FIG4: variants seen among roughly 807,000 people sequenced by gnomAD.
The protein encoded by FIG4 is polyphosphoinositide phosphatase.
Under a neutral mutation model 118.6 loss-of-function variants are expected in FIG4, and 112 were observed. That is an observed-to-expected ratio of 0.94 (90% CI 0.81 to 1.11). FIG4 has a LOEUF of 1.11. Ranked by LOEUF, FIG4 falls within the 50% of genes least tolerant of loss-of-function variation. The pLI is 0.00. For missense variants in FIG4, 969 were observed against 1,111.7 expected, an observed-to-expected ratio of 0.87 and a Z score of 1.83; for synonymous variants, 369 against 381.2, an observed-to-expected ratio of 0.97 and a Z score of 0.37.
intron 8 of FIG4, 136 bp downstream of exon 8, chr6:109,741,680 G>A: frequency 1.4e-6 from 1 of 711,054 alleles, no homozygotes; most frequent in South Asian, 1.5e-5. Context: ...TTGCCTTTTA[G>A]TATCAACAAG....
intron 15 of FIG4, among the ~76,000 whole-genome samples, chr6:109,773,651 A>G (rs1046614762): frequency 6.6e-6 from 1 of 152,024 alleles, no homozygotes; most frequent in Non-Finnish European, 1.5e-5. Flanking sequence ...TGTTATCTGG[A>G]TGGCTGCAGG....
chr6:109,692,649 T>G (rs996504164), intron 1 of FIG4, among the ~76,000 whole-genome samples: 3 of 152,150 alleles, frequency 2.0e-5, no homozygotes, highest in African/African-American at 7.2e-5. Context: ...GAAACCTATT[T>G]TCTGTAAAAT....
At position 109,713,365 on chromosome 6, in the gene FIG4, G is replaced by C. The variant is rs1054309830; in HGVS notation, c.67-1713G>C. 2.0e-5 allele frequency among the ~76,000 whole-genome samples: 3 copies of C among 152,186 alleles called. No individual in the cohort carries two copies. In the East Asian group the frequency reaches 5.8e-4, roughly 29 times the overall value. On this transcript the variant is annotated intron_variant, in intron 1 of 22. Coordinates refer to ENST00000230124, the MANE Select transcript of FIG4 (RefSeq NM_014845.6). ...TGCATGCAGTCATCATGGTGATCCT[G>C]TTAGCACAGGGGCAGGGCACTGGTA...
chr6:109,705,753 T>C (rs1775048333), intron 1 of FIG4, among the ~76,000 whole-genome samples: 1 of 152,242 alleles, frequency 6.6e-6, no homozygotes, highest in Non-Finnish European at 1.5e-5. Flanking sequence ...TTTCGTAGGA[T>C]TTATTAAAAT....
In FIG4 at chr6:109,754,324, T is replaced by C. The variant is rs1489001488; in HGVS notation, c.1138-5926T>C. Among the ~76,000 whole-genome samples, 3 of 152,256 alleles carry C rather than the reference T, an allele frequency of 2.0e-5. 1 individual carries two copies. The highest frequency in any genetic ancestry group is 6.8e-3 in the Middle Eastern group (2 of 294). On this transcript the variant is annotated intron_variant, in intron 10 of 22. Coordinates refer to ENST00000230124, the MANE Select transcript of FIG4 (RefSeq NM_014845.6). ...CATGGTGGATAAGCTTTTTGATGTG[T>C]TGCTGGATTCAGTTTGCCAGTATTT...
intron 22 of FIG4, among the ~76,000 whole-genome samples, chr6:109,814,819 A>T (rs1778815748): frequency 6.6e-6 from 1 of 152,070 alleles, no homozygotes; most frequent in Non-Finnish European, 1.5e-5. Flanking sequence ...CCCTGAAATC[A>T]TTTCTCTGAG....
At chr6:109,792,715 A>C in intron 21 of FIG4, 51 bp downstream of exon 21, 1 of 977,592 alleles carries the variant, frequency 1.0e-6, no homozygotes, top group Non-Finnish European at 1.6e-6. Flanking sequence ...TTATAATTAC[A>C]GTAACTTCTA....
intron 17 of FIG4, 148 bp from the exon 18 acceptor site, chr6:109,786,148 TGTGTAA>T: frequency 1.6e-6 from 1 of 635,244 alleles, no homozygotes; most frequent in Non-Finnish European, 2.8e-6. Context: ...CCTTTCTAAC[TGTGTAA>T]GTGTTGGAGG....
At position 109,695,599 on chromosome 6, in the gene FIG4, CAG is replaced by C. The variant is rs1400896303; in HGVS notation, c.66+4100_66+4101del. ...GTGAATACACACACACACACACACACAGACACACACACACACACACACACAAT... is the reference window on the plus strand; with the variant it reads ...GTGAATACACACACACACACACACACACACACACACACACACACACACAAT... On this transcript the variant is annotated intron_variant, in intron 1 of 22. Coordinates refer to ENST00000230124, the MANE Select transcript of FIG4 (RefSeq NM_014845.6). 1.7e-3 allele frequency among the ~76,000 whole-genome samples: 249 copies of C among 145,600 alleles called. 1 individual carries two copies. The highest frequency in any genetic ancestry group is 6.3e-3 in the African/African-American group (235 of 37,168).
At chr6:109,781,364 T>C (rs1276346491) in intron 16 of FIG4, among the ~76,000 whole-genome samples, 2 of 152,172 alleles carry the variant, frequency 1.3e-5, no homozygotes, top group Non-Finnish European at 2.9e-5. Context: ...TATGCTGTGG[T>C]TTCAAGGCCC....
chr6:109,706,587 T>G (rs951523542), intron 1 of FIG4, among the ~76,000 whole-genome samples: 2 of 152,370 alleles, frequency 1.3e-5, no homozygotes, highest in Non-Finnish European at 2.9e-5. Context: ...TGTTTTCCTC[T>G]GGCGTTTGTC....
chr6:109,732,569 G>A (rs1776035099), intron 4 of FIG4, 68 bp from the exon 5 acceptor site: 3 of 816,568 alleles, frequency 3.7e-6, no homozygotes, highest in Non-Finnish European at 6.3e-6. Flanking sequence ...GTACATATGG[G>A]TACATGTTAA....
intron 5 of FIG4, among the ~76,000 whole-genome samples, chr6:109,733,021 C>T (rs1185244070): frequency 1.3e-5 from 2 of 151,994 alleles, no homozygotes; most frequent in Non-Finnish European, 2.9e-5. Context: ...GTAACAATTT[C>T]ATTGTTCAAC....
intron 16 of FIG4, among the ~76,000 whole-genome samples, chr6:109,779,621 T>G (rs1185876843): frequency 1.3e-5 from 2 of 152,222 alleles, no homozygotes; most frequent in Non-Finnish European, 2.9e-5. Flanking sequence ...AACTATTTTT[T>G]GGTGTCAGGG....
rs578229333 is a variant in FIG4 at position 109,719,740 on chromosome 6, T to C, written c.289+3172T>C. ...TGTCCTTGGGTATTCCAGAGTTGTA[T>C]TGGGCTGTTTGACTTTACATTAAAT... On this transcript the variant is annotated intron_variant, in intron 3 of 22. Transcript: ENST00000230124. Among the ~76,000 whole-genome samples, 10 of 152,314 alleles carry C rather than the reference T, an allele frequency of 6.6e-5. No individual in the cohort carries two copies. The South Asian group carries it at 2.1e-3, about 32-fold the overall frequency.
intron 1 of FIG4, among the ~76,000 whole-genome samples, chr6:109,707,324 T>G (rs1222558145): frequency 6.8e-6 from 1 of 147,166 alleles, no homozygotes; most frequent in East Asian, 2.0e-4. Context: ...TATATATATA[T>G]GTATAGGTAT....
rs990038497 is a variant in FIG4, at chr6:109,762,262, A to G, written c.1388+55A>G. On this transcript the variant is annotated intron_variant, in intron 12 of 22. Coordinates refer to ENST00000230124, the MANE Select transcript of FIG4 (RefSeq NM_014845.6). ...AATGATGATTTTTGCTCTTATGGGT[A>G]TTCTAAATACAGCAGTTTGTACTAC... 6 of 1,072,950 alleles carry G rather than the reference A, an allele frequency of 5.6e-6. No homozygotes were observed. In the Admixed American group the frequency reaches 8.5e-5, roughly 15 times the overall value. The allele number at this position is 1,072,950 out of a possible 1,614,324, so 66.5% of individuals were successfully genotyped here.
intron 3 of FIG4, among the ~76,000 whole-genome samples, chr6:109,725,120 A>T (rs1242336350): frequency 1.3e-5 from 2 of 152,166 alleles, no homozygotes; most frequent in African/African-American, 2.4e-5. Flanking sequence ...GTTCTGGGAT[A>T]CATGTGCAGA....
intron 1 of FIG4, among the ~76,000 whole-genome samples, chr6:109,712,369 C>T (rs529437078): frequency 2.2e-4 from 34 of 152,324 alleles, no homozygotes; most frequent in African/African-American, 7.9e-4. Flanking sequence ...GTTCCATTCT[C>T]TTTCTGGTAT....
Sources: gnomAD v4.1 joint callset for allele counts (sites outside exome capture counted in the v4.1 genomes callset) on GRCh38, gnomAD v4.1.1 for gene constraint, MANE v1.5 for transcripts, NCBI Gene and HGNC (gene_info 2026-07-23, HGNC 2026-07-21) for gene names.